NEK5: variants seen among roughly 807,000 people sequenced by gnomAD.
The protein encoded by NEK5 is NIMA related kinase 5.
Under a neutral mutation model 109.2 loss-of-function variants are expected in NEK5, and 88 were observed. The ratio of observed to expected loss-of-function variants is 0.81; its 90% confidence interval spans 0.68 to 0.96. The LOEUF (loss-of-function observed/expected upper bound fraction) is 0.96. NEK5 is among the 40% of genes least tolerant of loss of function. NEK5 has a pLI of 0.00. For missense variants in NEK5, 834 were observed against 920.7 expected, an observed-to-expected ratio of 0.91 and a Z score of 1.22; for synonymous variants, 283 against 299.9, an observed-to-expected ratio of 0.94 and a Z score of 0.58.
At chr13:52,076,170 C>A in intron 17 of NEK5, 27 bp from the exon 18 acceptor site, 2 of 1,275,502 alleles carry the variant, frequency 1.6e-6, no homozygotes, top group South Asian at 1.3e-5. Flanking sequence ...AAATACAATT[C>A]TCTCACTGTA....
intron 21 of NEK5, 195 bp downstream of exon 21, chr13:52,065,289 G>A (rs1954668549): frequency 1.3e-6 from 1 of 763,006 alleles, no homozygotes; most frequent in Non-Finnish European, 2.3e-6. Flanking sequence ...TGTCTAGAGT[G>A]GTCATTTGTC....
In NEK5 at chr13:52,089,415, C is replaced by G. The variant is rs924455938; in HGVS notation, c.1209-102G>C. 5 of 701,026 alleles carry G rather than the reference C, an allele frequency of 7.1e-6. No homozygotes were observed. In the Admixed American group the frequency reaches 1.1e-4, roughly 16 times the overall value. The allele number at this position is 701,026 out of a possible 1,614,324, so 43.4% of individuals were successfully genotyped here. A position where few individuals can be genotyped will look rare whatever the true frequency, so the allele number is the denominator to read the frequency against. On this transcript the variant is annotated intron_variant, in intron 13 of 23. Transcript: ENST00000684899. ...TTTAGTAATGAGATTCACAATTCAC[C>G]AGTGGCTTGAAGTTCCAAGTTCAAG...
chr13:52,089,252 G>T lies in NEK5; in HGVS notation c.1270C>A (p.Gln424Lys), dbSNP rs572401308. 6.3e-7 allele frequency: 1 copy of T among 1,583,254 alleles called. No individual in the cohort carries two copies. The highest frequency in any genetic ancestry group is 1.1e-5 in the South Asian group (1 of 89,902). ...ATATTTGGTATTTTACTTACCAATTGCTTCTCCACTTTCAACTTATATTGT... is the reference window on the plus strand; with the variant it reads ...ATATTTGGTATTTTACTTACCAATTTCTTCTCCACTTTCAACTTATATTGT... ...AQQYKLKVEK[Q>K]LGLRPSSAEP... is the part of the protein sequence containing the mutation. The change falls in exon 14 of 24, where the codon CAA becomes AAA. Residue 424 changes from glutamine to lysine, a missense_variant. Gln to Lys is a moderately conservative substitution (Grantham distance 53, BLOSUM62 1). Transcript: ENST00000684899.
intron 16 of NEK5, among the ~76,000 whole-genome samples, chr13:52,086,049 C>T (rs530319483): frequency 5.9e-5 from 9 of 152,130 alleles, no homozygotes; most frequent in Non-Finnish European, 1.0e-4. Flanking sequence ...AATAGCCATT[C>T]CTGAGAATCT....
chr13:52,048,088 T>C (rs1182313903), intron 23 of NEK5, among the ~76,000 whole-genome samples: 1 of 152,184 alleles, frequency 6.6e-6, no homozygotes, highest in South Asian at 2.1e-4. Flanking sequence ...AGGATGACTA[T>C]AGTTAATAGT....
At chr13:52,065,362 G>C in intron 21 of NEK5, 122 bp downstream of exon 21, 1 of 1,320,018 alleles carries the variant, frequency 7.6e-7, no homozygotes, top group Non-Finnish European at 1.1e-6. Flanking sequence ...ATATTTGAAA[G>C]TGTCTGATAC....
Position 52,086,163 on chromosome 13 carries a change from T to A in NEK5, c.1479+114A>T, listed in dbSNP as rs1955137353. On this transcript the variant is annotated intron_variant, in intron 16 of 23. Coordinates refer to ENST00000684899, the MANE Select transcript of NEK5 (RefSeq NM_001365552.1). ...ATTAAAAAAGAAGTCTACATGATTA[T>A]CTCTATGATAAAACTTTATCTTTTC... The A allele has an allele frequency of 5.3e-6, 4 of 750,816 alleles. No individual in the cohort carries two copies. The South Asian group carries it at 6.3e-5, about 12-fold the overall frequency. The allele number at this position is 750,816 out of a possible 1,614,324, so 46.5% of individuals were successfully genotyped here. A position where few individuals can be genotyped will look rare whatever the true frequency, so the allele number is the denominator to read the frequency against.
At chr13:52,119,874 A>G (rs1367275111) in intron 3 of NEK5, among the ~76,000 whole-genome samples, 2 of 152,212 alleles carry the variant, frequency 1.3e-5, no homozygotes, top group Admixed American at 1.3e-4. Flanking sequence ...TACATTTTTC[A>G]TTTTCAAATA....
At chr13:52,084,957 T>G (rs1414772059) in intron 16 of NEK5, among the ~76,000 whole-genome samples, 1 of 152,100 alleles carries the variant, frequency 6.6e-6, no homozygotes, top group Non-Finnish European at 1.5e-5. Flanking sequence ...ATTTAAATAT[T>G]TCGTCTGCCT....
chr13:52,124,153 G>A lies in NEK5; in HGVS notation c.117+3213C>T, dbSNP rs371816569. ...TCTAAAAACAATTTCAAAATTAGCT[G>A]GGTGTGGTGGCGCATGCCTGCAGTC... On this transcript the variant is annotated intron_variant, in intron 3 of 23. Coordinates refer to ENST00000684899, the MANE Select transcript of NEK5 (RefSeq NM_001365552.1). Among the ~76,000 whole-genome samples, 145 of 152,272 alleles carry A rather than the reference G, an allele frequency of 9.5e-4. No homozygotes were observed. In the Middle Eastern group the frequency reaches 0.01, roughly 11 times the overall value.
At chr13:52,045,467 G>GA (rs200871025) in intron 23 of NEK5, among the ~76,000 whole-genome samples, 17 of 144,950 alleles carry the variant, frequency 1.2e-4, no homozygotes, top group South Asian at 2.2e-4. Flanking sequence ...GTTATTTGGG[G>GA]AAAAAAAAAA....
chr13:52,077,549 G>T (rs1003003906), intron 17 of NEK5, among the ~76,000 whole-genome samples: 1 of 152,070 alleles, frequency 6.6e-6, no homozygotes, highest in Admixed American at 6.6e-5. Flanking sequence ...CAAGGCTTGG[G>T]GGGTATTAAG....
chr13:52,036,807 A>T lies in NEK5; in HGVS notation c.*141T>A. ...ATTAATGGCTATATTCAAAAGTTCT[A>T]CTTCCTAAATTGAAAGAAAAATTAA... On this transcript the variant is annotated 3_prime_UTR_variant, in exon 24 of 24. Coordinates refer to ENST00000684899, the MANE Select transcript of NEK5 (RefSeq NM_001365552.1). The T allele has an allele frequency of 3.9e-6, 1 of 259,202 alleles. No homozygotes were observed. The highest frequency in any genetic ancestry group is 6.0e-6 in the Non-Finnish European group (1 of 166,292). The allele number at this position is 259,202 out of a possible 1,614,324, so 16.1% of individuals were successfully genotyped here.
At chr13:52,037,800 G>T (rs984081123) in intron 23 of NEK5, among the ~76,000 whole-genome samples, 1 of 152,150 alleles carries the variant, frequency 6.6e-6, no homozygotes, top group Non-Finnish European at 1.5e-5. Context: ...CCGGGCGCCT[G>T]TAGTCCCAGC....
Position 52,065,495 on chromosome 13 carries a change from G to T in NEK5, c.1964C>A (p.Thr655Lys), listed in dbSNP as rs568862030. The change falls in exon 21 of 24, where the codon ACG becomes AAG. Residue 655 changes from threonine (T) to lysine (K), a missense_variant. Physicochemically the swap from Thr to Lys is moderately conservative, Grantham distance 78. This residue lies in a region of NEK5 where 777 missense variants were observed against 824.7 expected (regional missense o/e 0.94). Transcript: ENST00000684899. ...AVADITSTCPTGPDNGQVIVI... is the reference protein window; with the variant it reads ...AVADITSTCPKGPDNGQVIVI... Reference sequence around the variant, plus strand: ...AAGCACAGACTCACTGTCAGGCCCCGTGGGGCAGGTGGAGGTGATGTCGGC... The same window carrying T: ...AAGCACAGACTCACTGTCAGGCCCCTTGGGGCAGGTGGAGGTGATGTCGGC... 2 of 1,613,818 alleles carry T rather than the reference G, an allele frequency of 1.2e-6. No individual in the cohort carries two copies. The highest frequency in any genetic ancestry group is 1.7e-6 in the Non-Finnish European group (2 of 1,179,706).
At chr13:52,038,177 T>A (rs1401971988) in intron 23 of NEK5, among the ~76,000 whole-genome samples, 1 of 151,446 alleles carries the variant, frequency 6.6e-6, no homozygotes, top group Non-Finnish European at 1.5e-5. Flanking sequence ...ATACAAAAAA[T>A]TAGGCATGGT....
intron 14 of NEK5, among the ~76,000 whole-genome samples, chr13:52,088,296 C>T (rs1955198935): frequency 6.6e-6 from 1 of 151,446 alleles, no homozygotes; most frequent in Non-Finnish European, 1.5e-5. Flanking sequence ...GTTCTGTCGC[C>T]CAGGCTAGAG....
rs1336220899 is a variant in NEK5 at position 52,065,519 on chromosome 13, G to T, written c.1940C>A (p.Ala647Asp). Residue 647 changes from alanine to aspartate, a missense_variant, in exon 21 of 24, where the codon GCC (alanine) becomes GAC (aspartate). Transcript: ENST00000684899. ...CGTGGGGCAGGTGGAGGTGATGTCG[G>T]CCACTGCCATCATCTGCAGCAGAGT... ...PQTLLQMMAV[A>D]DITSTCPTGP... is the part of the protein sequence containing the mutation. 2 of 1,613,526 alleles carry T rather than the reference G, an allele frequency of 1.2e-6. No individual in the cohort carries two copies. Among genetic ancestry groups the T allele is most frequent in the East Asian group, 2.2e-5 (1 of 44,896 alleles).
chr13:52,063,983 TC>T (rs1954641123), intron 21 of NEK5, among the ~76,000 whole-genome samples: 1 of 99,788 alleles, frequency 1.0e-5, no homozygotes, highest in Non-Finnish European at 2.1e-5. Flanking sequence ...AGCCACCCCG[TC>T]CGGGAGGGAG....
Sources: allele counts gnomAD v4.1 joint callset (sites outside exome capture counted in the v4.1 genomes callset), GRCh38; gene constraint gnomAD v4.1.1; regional missense constraint gnomAD v4.1.1; transcripts MANE v1.5; gene names NCBI Gene and HGNC (gene_info 2026-07-23, HGNC 2026-07-21).